Variants in CCDC187 observed in about 807,000 individuals in gnomAD.
The protein encoded by CCDC187 is coiled-coil domain-containing protein 187.
Under a neutral mutation model 38.0 loss-of-function variants are expected in CCDC187, and 32 were observed. The ratio of observed to expected loss-of-function variants is 0.84; its 90% confidence interval spans 0.64 to 1.13. CCDC187 has a LOEUF of 1.13. Among genes scored for constraint, CCDC187 ranks in the 50% most tolerant of loss-of-function variants. The pLI is 0.00. For synonymous variants in CCDC187, 333 were observed against 347.9 expected (o/e 0.96, Z 0.48); for missense variants, 707 against 786.8 (o/e 0.90, Z 1.21).
intron 2 of CCDC187, among the ~76,000 whole-genome samples, chr9:136,301,707 C>T (rs1197403141): frequency 1.3e-5 from 2 of 151,612 alleles, no homozygotes; most frequent in Non-Finnish European, 1.5e-5. Flanking sequence ...CTGCCTCAGC[C>T]TCCTGAGTAG....
intron 18 of CCDC187, among the ~76,000 whole-genome samples, chr9:136,263,235 C>CTTTT (rs35662036): frequency 1.1e-5 from 1 of 94,080 alleles, no homozygotes; most frequent in Admixed American, 1.2e-4. Flanking sequence ...GGGCCACAGG[C>CTTTT]TTTTTTTTTT....
In CCDC187 at chr9:136,291,049, CA is replaced by C. The variant is rs1831314410; in HGVS notation, c.1563del (p.Glu522LysfsTer14). ...GPSSQRPGSP[P>X]EKRSPFPQQP... ...TGCTGGGGGAAGGGGCTCCGCTTTT[CA>C]GGGGGGCTCCCAGGCCTCTGGGAGG... is the stretch of plus-strand genomic sequence containing the variant. On this transcript the variant is annotated frameshift_variant, in exon 6 of 26. Transcript: ENST00000638797. LOFTEE classifies it high-confidence loss of function. 1 of 398,772 alleles carries C rather than the reference CA, an allele frequency of 2.5e-6. No homozygotes were observed. The highest frequency in any genetic ancestry group is 4.4e-6 in the Non-Finnish European group (1 of 226,218). The allele number at this position is 398,772 out of a possible 1,614,324, so 24.7% of individuals were successfully genotyped here. A position where few individuals can be genotyped will look rare whatever the true frequency, so the allele number is the denominator to read the frequency against.
chr9:136,297,304 G>A (rs1013709499), intron 4 of CCDC187, among the ~76,000 whole-genome samples: 2 of 151,142 alleles, frequency 1.3e-5, no homozygotes, highest in Admixed American at 1.3e-4. Context: ...GTGAGCTGCG[G>A]GTGGTGTGAG....
intron 7 of CCDC187, among the ~76,000 whole-genome samples, chr9:136,289,174 G>C (rs1831251252): frequency 6.6e-6 from 1 of 152,226 alleles, no homozygotes; most frequent in Non-Finnish European, 1.5e-5. Flanking sequence ...TCCTCGGTGA[G>C]AGAAGCCAGA....
rs1299669051 is a variant in CCDC187 at position 136,251,989 on chromosome 9, GC to G, written c.*1604del. 61 of 101,832 alleles carry G rather than the reference GC, an allele frequency of 6.0e-4. No individual in the cohort carries two copies. The highest frequency in any genetic ancestry group is 1.7e-3 in the African/African-American group (53 of 31,258). 6.3% of individuals were successfully genotyped at this position (101,832 alleles called of 1,614,324 possible). On this transcript the variant is annotated 3_prime_UTR_variant, in exon 26 of 26. Transcript: ENST00000638797. Reference sequence around the variant, plus strand: ...TCCAGGCGACCGTCCCGCGGAGCCGGCCGCCCACCTGGTCCACCCTGGGAAG... The same window carrying G: ...TCCAGGCGACCGTCCCGCGGAGCCGGCGCCCACCTGGTCCACCCTGGGAAG...
rs989750563 is a variant in CCDC187, at chr9:136,252,464, C to T, written c.*1130G>A. ...GGTCCAGGCAACCGTCCCGCACAGCCGGCCGCCCACCCGGTCCACCCTGGG... is the reference window on the plus strand; with the variant it reads ...GGTCCAGGCAACCGTCCCGCACAGCTGGCCGCCCACCCGGTCCACCCTGGG... On this transcript the variant is annotated 3_prime_UTR_variant, in exon 26 of 26. Transcript: ENST00000638797. 1.5e-5 allele frequency: 3 copies of T among 200,610 alleles called. No individual in the cohort carries two copies. The highest frequency in any genetic ancestry group is 3.1e-5 in the Non-Finnish European group (3 of 95,832). 12.4% of individuals were successfully genotyped at this position (200,610 alleles called of 1,614,324 possible).
chr9:136,300,103 G>T, intron 3 of CCDC187, 117 bp downstream of exon 3: 1 of 396,224 alleles, frequency 2.5e-6, no homozygotes, highest in Non-Finnish European at 4.4e-6. Context: ...TTTCCAGTTG[G>T]GGTCCTCCCT....
At chr9:136,285,278 C>T (rs1460237818) in intron 9 of CCDC187, among the ~76,000 whole-genome samples, 2 of 152,214 alleles carry the variant, frequency 1.3e-5, no homozygotes, top group Admixed American at 6.5e-5. Flanking sequence ...AGGGGGCATT[C>T]GTGGGGGGAG....
intron 18 of CCDC187, among the ~76,000 whole-genome samples, chr9:136,263,219 T>C (rs1830700146): frequency 7.5e-6 from 1 of 132,836 alleles, no homozygotes; most frequent in South Asian, 2.7e-4. Flanking sequence ...CCAGCAAGTC[T>C]GCCTGGGGCC....
intron 12 of CCDC187, 129 bp from the exon 13 acceptor site, chr9:136,275,136 C>G (rs1313188660): frequency 6.6e-6 from 1 of 152,284 alleles, no homozygotes. Flanking sequence ...TCTCCAACCT[C>G]AGGGGCCTCT....
intron 10 of CCDC187, among the ~76,000 whole-genome samples, chr9:136,277,858 C>G: frequency 6.6e-6 from 1 of 152,294 alleles, no homozygotes; most frequent in East Asian, 1.9e-4. Flanking sequence ...ACCAGGATCC[C>G]CACTCCGACT....
chr9:136,287,501 C>T (rs1455711188), intron 7 of CCDC187, among the ~76,000 whole-genome samples: 1 of 152,186 alleles, frequency 6.6e-6, no homozygotes, highest in African/African-American at 2.4e-5. Flanking sequence ...CCCTAGTTCC[C>T]GTTTCCTGCA....
intron 4 of CCDC187, among the ~76,000 whole-genome samples, chr9:136,292,655 G>A (rs931203886): frequency 2.0e-5 from 3 of 152,190 alleles, no homozygotes; most frequent in Non-Finnish European, 2.9e-5. Flanking sequence ...TGAAAGAAAC[G>A]CCGAGCAGCA....
rs1013606480 is a variant in CCDC187 at position 136,297,715 on chromosome 9, T to A, written c.831A>T (p.Glu277Asp). ...GGGCCCCAAAATAGCAAACCTTACC[T>A]TCGTCTTTGTGTTTGTCTTTGGCCG... ...RRAAKDKHKD[E>D]DSELVGVYAW... Residue 277 changes from glutamate to aspartate, a missense_variant and splice_region_variant, in exon 4 of 26, where the codon GAA becomes GAT. By Grantham distance (45) the Glu-to-Asp change is conservative. Coordinates refer to ENST00000638797, the MANE Select transcript of CCDC187 (RefSeq NM_001378188.1). The A allele has an allele frequency of 0.022, 8,888 of 398,810 alleles. 580 individuals carry two copies. The highest frequency in any genetic ancestry group is 0.17 in the East Asian group (4,774 of 28,058). The allele number at this position is 398,810 out of a possible 1,614,324, so 24.7% of individuals were successfully genotyped here.
intron 2 of CCDC187, among the ~76,000 whole-genome samples, chr9:136,301,418 G>A (rs1046688478): frequency 6.6e-6 from 1 of 152,154 alleles, no homozygotes; most frequent in Non-Finnish European, 1.5e-5. Context: ...TCCCGGGGCT[G>A]GGAGGGGACG....
rs975773126 is a variant in CCDC187, at chr9:136,254,839, G to A, written c.4989C>T (p.Ser1663=). Residue 1663 remains serine, a synonymous_variant, in exon 26 of 26, where the codon AGC becomes AGT. Coordinates refer to ENST00000638797, the MANE Select transcript of CCDC187 (RefSeq NM_001378188.1). ...EAEDSPDEGF[S]WPGELSARHS... is the part of the protein sequence containing the mutation. ...GTCGGGCAGAGAGCTCTCCAGGCCA[G>A]CTGAAACCTTCGTCTGGGGAGTCTT... 2.0e-6 allele frequency: 2 copies of A among 985,278 alleles called. No homozygotes were observed. Among genetic ancestry groups the A allele is most frequent in the Admixed American group, 6.1e-5 (1 of 16,274 alleles). 61.0% of individuals were successfully genotyped at this position (985,278 alleles called of 1,614,324 possible).
chr9:136,294,024 TCA>T (rs1182229936), intron 4 of CCDC187, among the ~76,000 whole-genome samples: 229 of 145,156 alleles, frequency 1.6e-3, no homozygotes, highest in Middle Eastern at 4.0e-3. Context: ...TCACATGCTC[TCA>T]CACACACACT....
At position 136,263,644 on chromosome 9, in the gene CCDC187, T is replaced by C; in HGVS notation, c.3890A>G (p.Gln1297Arg). Reference sequence around the variant, plus strand: ...CACCTGCTGCAGCTTGGCCTGGGCCTGCAGCTCGTGCGCTGGGACGACGTC... The same window carrying C: ...CACCTGCTGCAGCTTGGCCTGGGCCCGCAGCTCGTGCGCTGGGACGACGTC... ...PTDVVPAHEL[Q>R]AQAKLQQGSS... Residue 1297 changes from glutamine (Q) to arginine (R), a missense_variant, in exon 18 of 26, where the codon CAG (glutamine) becomes CGG (arginine). Physicochemically the swap from Gln to Arg is conservative, Grantham distance 43 (BLOSUM62 1). Transcript: ENST00000638797. 2.0e-6 allele frequency: 2 copies of C among 985,450 alleles called. No individual in the cohort carries two copies. The highest frequency in any genetic ancestry group is 2.4e-6 in the Non-Finnish European group (2 of 829,950). The allele number at this position is 985,450 out of a possible 1,614,324, so 61.0% of individuals were successfully genotyped here.
upstream of CCDC187, among the ~76,000 whole-genome samples, chr9:136,304,565 C>T (rs944427146): frequency 1.3e-5 from 2 of 152,214 alleles, no homozygotes; most frequent in Admixed American, 1.3e-4. Flanking sequence ...CCGCTGGCCT[C>T]CTCGGACCCT....
Sources: allele counts gnomAD v4.1 joint callset (sites outside exome capture counted in the v4.1 genomes callset), GRCh38; gene constraint gnomAD v4.1.1; transcripts MANE v1.5; gene names NCBI Gene and HGNC (gene_info 2026-07-23, HGNC 2026-07-21).